The following RBFOX2 variants were observed in gnomAD, a reference collection of about 807,000 sequenced individuals.
RBFOX2 encodes the protein RNA binding fox-1 homolog 2.
Under a neutral mutation model 49.1 loss-of-function variants are expected in RBFOX2, and 10 were observed. The observed-to-expected ratio is 0.20, with a 90% CI of 0.13 to 0.35. The LOEUF is 0.35. RBFOX2 is among the 10% of genes least tolerant of loss of function. The pLI, the probability that RBFOX2 is intolerant of heterozygous loss-of-function variation, is 1.00. For synonymous variants in RBFOX2, 183 were observed against 187.4 expected (o/e 0.98, Z 0.19); for missense variants, 323 against 486.9 (o/e 0.66, Z 3.17).
chr22:36,005,306 A>G (rs1260825877), intron 1 of RBFOX2, among the ~76,000 whole-genome samples: 1 of 152,234 alleles, frequency 6.6e-6, no homozygotes. Context: ...AAGCACACTA[A>G]GAGTCTAGAA....
chr22:35,833,141 C>A (rs1457530745), intron 1 of RBFOX2, among the ~76,000 whole-genome samples: 1 of 152,042 alleles, frequency 6.6e-6, no homozygotes, highest in African/African-American at 2.4e-5. Flanking sequence ...AATGACAAAT[C>A]ATTCATATAA....
chr22:35,938,404 T>C (rs956680651), intron 1 of RBFOX2, among the ~76,000 whole-genome samples: 2 of 152,192 alleles, frequency 1.3e-5, no homozygotes, highest in South Asian at 4.1e-4. Context: ...AAGCTTTCCC[T>C]GATTAAAACC....
chr22:35,869,456 G>A (rs1156801618), intron 1 of RBFOX2, among the ~76,000 whole-genome samples: 2 of 108,422 alleles, frequency 1.8e-5, no homozygotes, highest in Non-Finnish European at 1.7e-5. Context: ...ACCACACCCA[G>A]CCAACGGCTG....
intron 2 of RBFOX2, among the ~76,000 whole-genome samples, chr22:35,783,668 A>G (rs1945725778): frequency 6.6e-6 from 1 of 152,152 alleles, no homozygotes; most frequent in African/African-American, 2.4e-5. Context: ...CACCTGAATA[A>G]TGACCTTCCG....
intron 1 of RBFOX2, among the ~76,000 whole-genome samples, chr22:35,852,275 G>A (rs1036227649): frequency 1.3e-5 from 2 of 151,832 alleles, no homozygotes; most frequent in African/African-American, 4.8e-5. Context: ...TATCTGCAGG[G>A]GTGTGAGAGG....
chr22:35,836,258 T>G (rs1253705247), intron 1 of RBFOX2: 2 of 152,134 alleles, frequency 1.3e-5, no homozygotes, highest in African/African-American at 4.8e-5. Flanking sequence ...CTACTCCAAC[T>G]CCTTTCAAAA....
In RBFOX2 at chr22:35,944,666, A is replaced by C. The variant is rs2054071338; in HGVS notation, c.43-5769T>G. ...TGAAGTTGCCCGAGAAGCTTAAGAAAGACATCATGCTGCCAATCAAAGTAT... is the reference window on the plus strand; with the variant it reads ...TGAAGTTGCCCGAGAAGCTTAAGAACGACATCATGCTGCCAATCAAAGTAT... On this transcript the variant is annotated intron_variant, in intron 1 of 5. Coordinates refer to the RBFOX2 transcript ENST00000408983. Among the ~76,000 whole-genome samples the C allele has an allele frequency of 2.6e-5, 4 of 152,224 alleles. No homozygotes were observed. In the South Asian group the frequency reaches 8.3e-4, roughly 32 times the overall value.
chr22:35,849,849 A>G (rs1013832905), intron 1 of RBFOX2, among the ~76,000 whole-genome samples: 5 of 152,100 alleles, frequency 3.3e-5, no homozygotes, highest in African/African-American at 1.2e-4. Context: ...TGTTCAGAAA[A>G]AAGCAAAAAG....
chr22:35,846,638 C>T (rs2041258679), intron 1 of RBFOX2, among the ~76,000 whole-genome samples: 1 of 151,902 alleles, frequency 6.6e-6, no homozygotes, highest in African/African-American at 2.4e-5. Flanking sequence ...ACCTGTAATC[C>T]CAGCTACTTG....
At chr22:35,846,499 G>T (rs988940216) in intron 1 of RBFOX2, among the ~76,000 whole-genome samples, 17 of 151,984 alleles carry the variant, frequency 1.1e-4, no homozygotes, top group African/African-American at 3.4e-4. Flanking sequence ...GCTCACGCCT[G>T]TAATTTGGGA....
intron 8 of RBFOX2, 73 bp downstream of exon 9, chr22:35,761,128 GA>G (rs372748877): frequency 0.012 from 12,345 of 1,003,440 alleles, 6 homozygotes; most frequent in African/African-American, 0.015. Flanking sequence ...ACTGTACTAG[GA>G]AAAAAAAAAA....
exon 1 of RBFOX2, chr22:35,840,458 G>T (rs1958540789): frequency 1.4e-6 from 2 of 1,410,912 alleles, no homozygotes; most frequent in South Asian, 1.6e-5. Context: ...CAGGCAGATG[G>T]CTGAAGGAAG....
upstream of RBFOX2, among the ~76,000 whole-genome samples, chr22:35,844,471 G>C (rs5755962): frequency 0.078 from 11,924 of 152,060 alleles, 492 homozygotes; most frequent in South Asian, 0.086. Flanking sequence ...AGCGCACTTG[G>C]AGATATCTTC....
chr22:35,774,895 CATTAAGT>C (rs1943521919), intron 4 of RBFOX2, among the ~76,000 whole-genome samples: 2 of 152,038 alleles, frequency 1.3e-5, no homozygotes, highest in East Asian at 3.9e-4. Flanking sequence ...CCCTGTTTTA[CATTAAGT>C]ATTGCTATCT....
rs565268641 is a variant in RBFOX2, at chr22:35,866,364, A to C, written c.-33-56360T>G. On this transcript the variant is annotated intron_variant, in intron 1 of 13. Transcript: ENST00000359369. ...AGTGCATACATTAATTTTCAAACTC[A>C]TTTATATTTATTAATTTCAAACAAT... Among the ~76,000 whole-genome samples the C allele has an allele frequency of 2.0e-5, 3 of 152,328 alleles. No homozygotes were observed. The East Asian group carries it at 5.8e-4, about 29-fold the overall frequency.
chr22:35,870,118 A>G (rs759693559), intron 1 of RBFOX2, among the ~76,000 whole-genome samples: 9 of 152,222 alleles, frequency 5.9e-5, no homozygotes, highest in Non-Finnish European at 1.2e-4. Flanking sequence ...GTCTATATGC[A>G]AAAGAAAAAG....
At chr22:35,889,250 C>T (rs2046962153) in intron 1 of RBFOX2, among the ~76,000 whole-genome samples, 3 of 152,162 alleles carry the variant, frequency 2.0e-5, no homozygotes, top group African/African-American at 7.2e-5. Flanking sequence ...TCATTTTAAG[C>T]CATTATGAGA....
chr22:35,774,410 CT>C (rs1187349641), intron 4 of RBFOX2, among the ~76,000 whole-genome samples: 1 of 152,124 alleles, frequency 6.6e-6, no homozygotes, highest in Non-Finnish European at 1.5e-5. Context: ...AGGAATACCA[CT>C]TTCCATCATA....
chr22:35,872,824 G>A (rs1490409907), intron 1 of RBFOX2, among the ~76,000 whole-genome samples: 1 of 152,170 alleles, frequency 6.6e-6, no homozygotes, highest in Non-Finnish European at 1.5e-5. Flanking sequence ...AGGATGGGGG[G>A]CATGGCAGGC....
Sources: gnomAD v4.1 joint callset for allele counts (sites outside exome capture counted in the v4.1 genomes callset) on GRCh38, gnomAD v4.1.1 for gene constraint, MANE v1.5 for transcripts, NCBI Gene and HGNC (gene_info 2026-07-23, HGNC 2026-07-21) for gene names.